APP: variants seen among roughly 807,000 people sequenced by gnomAD.
APP encodes the protein amyloid beta precursor protein, also known as amyloid-beta precursor protein.
A neutral mutation model predicts 101.4 loss-of-function variants in APP; 31 were observed. The observed-to-expected ratio is 0.31, with a 90% CI of 0.23 to 0.41. APP has a LOEUF of 0.41. APP is among the 10% of genes least tolerant of loss of function. APP has a pLI of 1.00. For missense variants in APP, 839 were observed against 1,003.7 expected (o/e 0.84, Z 2.22); for synonymous variants, 366 against 364.4 (o/e 1.00, Z -0.05).
intron 3 of APP, among the ~76,000 whole-genome samples, chr21:26,054,639 T>G (rs948937200): frequency 8.2e-5 from 12 of 145,938 alleles, no homozygotes; most frequent in Admixed American, 1.4e-4. Context: ...TTTTTTTTTT[T>G]TTTTTTAAGA....
At chr21:26,164,510 T>G (rs910101504) in intron 1 of APP, among the ~76,000 whole-genome samples, 2 of 152,196 alleles carry the variant, frequency 1.3e-5, no homozygotes, top group Admixed American at 6.5e-5. Flanking sequence ...ACATAGCTGA[T>G]AGCCAACTAA....
intron 8 of APP, among the ~76,000 whole-genome samples, chr21:25,990,809 G>A (rs2042831420): frequency 7.1e-6 from 1 of 141,418 alleles, no homozygotes; most frequent in Admixed American, 7.1e-5. Context: ...GGTATTGATA[G>A]CCAGTACTCA....
intron 6 of APP, among the ~76,000 whole-genome samples, chr21:26,010,351 T>G (rs1344200906): frequency 6.6e-6 from 1 of 152,224 alleles, no homozygotes; most frequent in Non-Finnish European, 1.5e-5. Flanking sequence ...GCTACTAGAC[T>G]ACATTACACA....
Position 26,129,133 on chromosome 21 carries a change from A to G in APP, c.58-16987T>C, listed in dbSNP as rs569345545. Among the ~76,000 whole-genome samples the G allele has an allele frequency of 1.5e-4, 23 of 152,308 alleles. 1 individual carries two copies. The highest frequency in any genetic ancestry group is 3.4e-3 in the Middle Eastern group (1 of 294). On this transcript the variant is annotated intron_variant, in intron 1 of 17. Transcript: ENST00000346798. ...AATCATGAGCATTCAGAAAATGCCA[A>G]AAGGGTACAAGTCAAGAATTTTATA...
intron 13 of APP, among the ~76,000 whole-genome samples, chr21:25,914,151 C>T (rs563429198): frequency 6.6e-6 from 1 of 152,186 alleles, no homozygotes; most frequent in South Asian, 2.1e-4. Context: ...CCATCCAGGA[C>T]TCCCTGTATT....
intron 8 of APP, among the ~76,000 whole-genome samples, chr21:25,993,521 C>A (rs2042947591): frequency 6.6e-6 from 1 of 152,194 alleles, no homozygotes; most frequent in African/African-American, 2.4e-5. Flanking sequence ...ACTACGAGAC[C>A]TTCAATACTA....
At chr21:25,887,529 A>AC (rs1428466779) in intron 17 of APP, among the ~76,000 whole-genome samples, 5 of 151,644 alleles carry the variant, frequency 3.3e-5, no homozygotes, top group South Asian at 4.2e-4. Flanking sequence ...AAAAAAAAAA[A>AC]AAAAAAAAAA....
intron 17 of APP, among the ~76,000 whole-genome samples, chr21:25,882,275 A>G (rs214486): frequency 0.92 from 139,097 of 150,902 alleles, 64,290 homozygotes; most frequent in African/African-American, 0.97. Flanking sequence ...AGTCTAGCCC[A>G]TTTCTATCAA....
intron 6 of APP, among the ~76,000 whole-genome samples, chr21:26,011,000 TG>T (rs1209908027): frequency 1.3e-5 from 2 of 151,782 alleles, no homozygotes; most frequent in East Asian, 1.9e-4. Flanking sequence ...CACTCCAGCC[TG>T]GGCGACAGCA....
intron 5 of APP, among the ~76,000 whole-genome samples, chr21:26,047,657 A>G (rs1174266464): frequency 6.6e-6 from 1 of 152,244 alleles, no homozygotes; most frequent in African/African-American, 2.4e-5. Context: ...AATAATAAAA[A>G]TTCAGTGGCT....
At chr21:25,948,948 AAAT>A (rs2040947330) in intron 13 of APP, among the ~76,000 whole-genome samples, 1 of 152,190 alleles carries the variant, frequency 6.6e-6, no homozygotes, top group Admixed American at 6.5e-5. Context: ...AGTTTCACTG[AAAT>A]AATGATTCCA....
intron 16 of APP, 56 bp from the exon 17 acceptor site, chr21:25,891,924 A>G: frequency 6.6e-7 from 1 of 1,524,108 alleles, no homozygotes; most frequent in South Asian, 1.2e-5. Context: ...ATAATTTACA[A>G]TTTATAAACG....
At chr21:25,882,229 G>A (rs989151190) in intron 17 of APP, among the ~76,000 whole-genome samples, 2 of 151,572 alleles carry the variant, frequency 1.3e-5, no homozygotes, top group Admixed American at 1.3e-4. Flanking sequence ...TCAAATCTGT[G>A]TAGAAAAATA....
At chr21:26,143,965 AG>A (rs1278860737) in intron 1 of APP, among the ~76,000 whole-genome samples, 1 of 152,276 alleles carries the variant, frequency 6.6e-6, no homozygotes, top group South Asian at 2.1e-4. Flanking sequence ...TCCAAGACTC[AG>A]TAATTTATAA....
intron 3 of APP, among the ~76,000 whole-genome samples, chr21:26,081,283 G>A (rs191388133): frequency 6.2e-4 from 94 of 151,012 alleles, no homozygotes; most frequent in African/African-American, 2.1e-3. Flanking sequence ...TATTTCACCT[G>A]GGTGCAGGCA....
intron 5 of APP, among the ~76,000 whole-genome samples, chr21:26,039,351 A>C (rs1434320163): frequency 6.6e-6 from 1 of 152,360 alleles, no homozygotes; most frequent in East Asian, 1.9e-4. Flanking sequence ...CTAAGCAAAA[A>C]ATCTTGGAAG....
chr21:25,897,712 T>C (rs1020649768), intron 15 of APP, 39 bp from the exon 16 acceptor site: 5 of 1,512,200 alleles, frequency 3.3e-6, no homozygotes, highest in Non-Finnish European at 4.6e-6. Context: ...GGACAACCAA[T>C]TAGTTTTACT....
intron 15 of APP, among the ~76,000 whole-genome samples, chr21:25,898,602 T>C (rs2146268748): frequency 6.6e-6 from 1 of 152,304 alleles, no homozygotes; most frequent in South Asian, 2.1e-4. Context: ...TGTATCAATT[T>C]CCCTCCATTT....
intron 2 of APP, among the ~76,000 whole-genome samples, chr21:26,092,282 A>G (rs1422535046): frequency 1.3e-5 from 2 of 152,222 alleles, no homozygotes; most frequent in East Asian, 3.8e-4. Context: ...GGTACTGTGA[A>G]TGAATAAATA....
Sources: gnomAD v4.1 joint callset for allele counts (sites outside exome capture counted in the v4.1 genomes callset) on GRCh38, gnomAD v4.1.1 for gene constraint, MANE v1.5 for transcripts, NCBI Gene and HGNC (gene_info 2026-07-23, HGNC 2026-07-21) for gene names.